Variants in PLXNB1 observed in about 807,000 individuals in gnomAD.
PLXNB1 encodes plexin-B1.
In PLXNB1, 106 loss-of-function variants were observed where a neutral mutation model predicts 209.4. The ratio of observed to expected loss-of-function variants is 0.51; its 90% CI spans 0.43 to 0.59. The LOEUF is 0.59. Ranked by LOEUF, PLXNB1 falls within the 20% of genes least tolerant of loss-of-function variation. The pLI is 0.00. For synonymous variants in PLXNB1, 1,167 were observed against 1,183.2 expected (o/e 0.99, Z 0.28); for missense variants, 2,357 against 2,853.2 (o/e 0.83, Z 3.96).
At position 48,421,476 on chromosome 3, in the gene PLXNB1, CA is replaced by C. The variant is rs1346117240; in HGVS notation, c.1654-93del. ...GACACCCAATGTGGGCAGGCACCAG[CA>C]ATCAACAGCCCTCAGGCCTCCCCAA... On this transcript the variant is annotated intron_variant, in intron 7 of 37. Transcript: ENST00000296440. The C allele has an allele frequency of 3.6e-6, 5 of 1,378,268 alleles. No homozygotes were observed. The East Asian group carries it at 1.2e-4, about 32-fold the overall frequency. The allele number at this position is 1,378,268 out of a possible 1,614,324, so 85.4% of individuals were successfully genotyped here. A position where few individuals can be genotyped will look rare whatever the true frequency, so the allele number is the denominator to read the frequency against.
rs2038785121 is a variant in PLXNB1 at position 48,424,619 on chromosome 3, T to G, written c.-6-2A>C. ...TGGGCCCAGAGCAGGCATGGTCACC[T>G]GGCAGGAAGAGAGGTCGAGAGAGTG... is the stretch of plus-strand genomic sequence containing the variant. On this transcript the variant is annotated splice_acceptor_variant, in intron 2 of 37. Coordinates refer to ENST00000296440, the MANE Select transcript of PLXNB1 (RefSeq NM_001130082.3). LOFTEE classifies it low-confidence loss of function (5UTR_SPLICE). 6.5e-7 allele frequency: 1 copy of G among 1,535,532 alleles called. No individual in the cohort carries two copies. Among genetic ancestry groups the G allele is most frequent in the East Asian group, 2.4e-5 (1 of 40,914 alleles).
At position 48,409,819 on chromosome 3, in the gene PLXNB1, C is replaced by T. The variant is rs75277731; in HGVS notation, c.5778+86G>A. The T allele has an allele frequency of 2.5e-3, 3,914 of 1,574,458 alleles. 81 individuals are homozygous for T. In the African/African-American group the frequency reaches 0.044, roughly 18 times the overall value. ...CAGACACCCCCCGGCACTGTGCCTG[C>T]ACGAGCCCCACACCACCCCCAAATC... On this transcript the variant is annotated intron_variant, in intron 32 of 37. Transcript: ENST00000296440. The surrounding 1 kb of genome is among the most constrained non-coding windows in gnomAD (Gnocchi z 5.8).
chr3:48,405,685 T>G lies in PLXNB1; in HGVS notation c.6303+39A>C. The G allele has an allele frequency of 6.5e-7, 1 of 1,528,640 alleles. No homozygotes were observed. The highest frequency in any genetic ancestry group is 9.0e-7 in the Non-Finnish European group (1 of 1,105,386). 94.7% of individuals were successfully genotyped at this position (1,528,640 alleles called of 1,614,324 possible). ...AGCCCCTTAAGTCTCCTGGGAGGCC[T>G]TGGGTCAGCCTCCCAGTCGGGGTCC... On this transcript the variant is annotated intron_variant, in intron 37 of 37. Transcript: ENST00000296440. This position sits in a 1 kb window ranked among gnomAD's most constrained non-coding sequence, Gnocchi z 5.0.
In PLXNB1 at chr3:48,412,927, CA is replaced by C; in HGVS notation, c.4668del (p.Ser1556ArgfsTer119). 1 of 1,614,132 alleles carries C rather than the reference CA, an allele frequency of 6.2e-7. No individual in the cohort carries two copies. Among genetic ancestry groups the C allele is most frequent in the Non-Finnish European group, 8.5e-7 (1 of 1,180,018 alleles). ...DLMTEMTDLT[S>X]DLLGSGIPFL... is the part of the protein sequence containing the mutation. ...AAGGGGATGCCGCTGCCCAGGAGGT[CA>C]CTGGTGAGATCGGTCATCTCAGTCA... On this transcript the variant is annotated frameshift_variant, in exon 25 of 38. Transcript: ENST00000296440. LOFTEE classifies it high-confidence loss of function.
chr3:48,423,048 C>G, intron 3 of PLXNB1, 101 bp from the exon 4 acceptor site: 1 of 1,017,220 alleles, frequency 9.8e-7, no homozygotes, highest in Non-Finnish European at 1.5e-6. Flanking sequence ...GCTCTGGTAG[C>G]TCTCCCTGTA....
At chr3:48,414,349 A>G (rs542201074) in intron 21 of PLXNB1, among the ~76,000 whole-genome samples, 24 of 152,116 alleles carry the variant, frequency 1.6e-4, no homozygotes, top group South Asian at 4.1e-4. Flanking sequence ...GGAGCCCCCA[A>G]TCTGTGTCTG....
Position 48,418,067 on chromosome 3 carries a change from TC to T in PLXNB1, c.3223-6del. On this transcript the variant is annotated splice_polypyrimidine_tract_variant and splice_region_variant and intron_variant, in intron 15 of 37. Transcript: ENST00000296440. This position sits in a 1 kb window ranked among gnomAD's most constrained non-coding sequence, Gnocchi z 6.6. ...AGGCCCAGTCAGTGGCTCCACCTGT[TC>T]CAGGACAAGGACTGCTCACCTCTAC... 6.2e-7 allele frequency: 1 copy of T among 1,612,200 alleles called. No homozygotes were observed.
chr3:48,406,072 G>A lies in PLXNB1; in HGVS notation c.6229-274C>T, dbSNP rs1277238365. 2.6e-6 allele frequency: 1 copy of A among 384,376 alleles called. No individual in the cohort carries two copies. Among genetic ancestry groups the A allele is most frequent in the East Asian group, 5.9e-5 (1 of 17,048 alleles). 23.8% of individuals were successfully genotyped at this position (384,376 alleles called of 1,614,324 possible). ...TTCAGCAAGGTCTGGGGTTTCCACT[G>A]AAGCCCTGCCTCTCTCACCCCCTTG... On this transcript the variant is annotated intron_variant, in intron 36 of 37. Coordinates refer to ENST00000296440, the MANE Select transcript of PLXNB1 (RefSeq NM_001130082.3). The surrounding 1 kb of genome is among the most constrained non-coding windows in gnomAD (Gnocchi z 4.4).
Position 48,417,584 on chromosome 3 carries a change from T to G in PLXNB1, c.3374+327A>C. Among the ~76,000 whole-genome samples the G allele has an allele frequency of 6.6e-6, 1 of 152,182 alleles. No homozygotes were observed. Among genetic ancestry groups the G allele is most frequent in the East Asian group, 1.9e-4 (1 of 5,196 alleles). On this transcript the variant is annotated intron_variant, in intron 16 of 37. Coordinates refer to ENST00000296440, the MANE Select transcript of PLXNB1 (RefSeq NM_001130082.3). The surrounding 1 kb of genome is among the most constrained non-coding windows in gnomAD (Gnocchi z 4.4). Reference sequence around the variant, plus strand: ...AGGCCAGCCCCTGAGCTTATCTGTCTGATCTGAGGGTCCTGCTGCCACAGC... The same window carrying G: ...AGGCCAGCCCCTGAGCTTATCTGTCGGATCTGAGGGTCCTGCTGCCACAGC...
At position 48,405,904 on chromosome 3, in the gene PLXNB1, G is replaced by A; in HGVS notation, c.6229-106C>T. 1.2e-6 allele frequency: 1 copy of A among 827,586 alleles called. No homozygotes were observed. Among genetic ancestry groups the A allele is most frequent in the Non-Finnish European group, 2.0e-6 (1 of 497,798 alleles). 51.3% of individuals were successfully genotyped at this position (827,586 alleles called of 1,614,324 possible). On this transcript the variant is annotated intron_variant, in intron 36 of 37. Coordinates refer to ENST00000296440, the MANE Select transcript of PLXNB1 (RefSeq NM_001130082.3). The surrounding 1 kb of genome is among the most constrained non-coding windows in gnomAD (Gnocchi z 5.0). ...GGCTGGGGGAGAAGGGGACCTGAGA[G>A]GTAGAGAATGGGATGGGCACTACAG...
In PLXNB1 at chr3:48,411,712, G is replaced by A. The variant is rs191455145; in HGVS notation, c.5247+151C>T. The A allele has an allele frequency of 7.7e-5, 61 of 794,972 alleles. No individual in the cohort carries two copies. The highest frequency in any genetic ancestry group is 5.4e-4 in the Admixed American group (20 of 36,966). 49.2% of individuals were successfully genotyped at this position (794,972 alleles called of 1,614,324 possible). ...TGCTATCCTGCTAAGCTAGTCTGAT[G>A]GGCTCTCTCCAGGAGCCAGCCAGAG... is the stretch of plus-strand genomic sequence containing the variant. On this transcript the variant is annotated intron_variant, in intron 28 of 37. Coordinates refer to ENST00000296440, the MANE Select transcript of PLXNB1 (RefSeq NM_001130082.3). The surrounding 1 kb of genome is among the most constrained non-coding windows in gnomAD (Gnocchi z 4.0).
Position 48,406,193 on chromosome 3 carries a change from G to C in PLXNB1, c.6229-395C>G. ...TGACAGCCCAGCATGATTCTGCTCT[G>C]GCCTAACTCAAGTATTTCCTGAGGT... On this transcript the variant is annotated intron_variant, in intron 36 of 37. Coordinates refer to ENST00000296440, the MANE Select transcript of PLXNB1 (RefSeq NM_001130082.3). The surrounding 1 kb of genome is among the most constrained non-coding windows in gnomAD (Gnocchi z 4.4). The C allele has an allele frequency of 4.6e-6, 1 of 218,646 alleles. No homozygotes were observed. The highest frequency in any genetic ancestry group is 7.1e-5 in the South Asian group (1 of 14,174). 13.5% of individuals were successfully genotyped at this position (218,646 alleles called of 1,614,324 possible).
intron 1 of PLXNB1, 119 bp from the exon 2 acceptor site, chr3:48,425,452 G>C (rs1197042224): frequency 1.3e-5 from 2 of 152,238 alleles, no homozygotes; most frequent in African/African-American, 4.8e-5. Flanking sequence ...CCAGCCTGCT[G>C]GTGGAGCTGG....
Position 48,419,457 on chromosome 3 carries a change from G to T in PLXNB1, c.2710-91C>A. 6.7e-7 allele frequency: 1 copy of T among 1,503,260 alleles called. No individual in the cohort carries two copies. The highest frequency in any genetic ancestry group is 8.9e-7 in the Non-Finnish European group (1 of 1,119,154). The allele number at this position is 1,503,260 out of a possible 1,614,324, so 93.1% of individuals were successfully genotyped here. A position where few individuals can be genotyped will look rare whatever the true frequency, so the allele number is the denominator to read the frequency against. On this transcript the variant is annotated intron_variant, in intron 11 of 37. Transcript: ENST00000296440. The surrounding 1 kb of genome is among the most constrained non-coding windows in gnomAD (Gnocchi z 5.7). The stretch of plus-strand genomic sequence containing the variant: ...CAGATTCCAGAGGCAAGGCCGGTGT[G>T]GGGCTGCAGACTCCACCCTGCCCCT...
At position 48,409,292 on chromosome 3, in the gene PLXNB1, T is replaced by G. The variant is rs1553797341; in HGVS notation, c.6087+37A>C. ...AGTGCACACACAGCACTGTCCACCC[T>G]CACCCATCCCCCCGTGTCCATCCCA... On this transcript the variant is annotated intron_variant, in intron 34 of 37. Coordinates refer to ENST00000296440, the MANE Select transcript of PLXNB1 (RefSeq NM_001130082.3). The surrounding 1 kb of genome is among the most constrained non-coding windows in gnomAD (Gnocchi z 5.8). The G allele has an allele frequency of 2.6e-6, 4 of 1,556,018 alleles. No individual in the cohort carries two copies. The South Asian group carries it at 4.5e-5, about 18-fold the overall frequency.
In PLXNB1 at chr3:48,422,089, G is replaced by A. The variant is rs1211348276; in HGVS notation, c.1520+16C>T. ...TGGGCTTGAGGCTGGGGCTGGGATG[G>A]GGTCAGAAATCTGACCTGCCAAGGA... On this transcript the variant is annotated intron_variant, in intron 6 of 37. Coordinates refer to ENST00000296440, the MANE Select transcript of PLXNB1 (RefSeq NM_001130082.3). 1.9e-6 allele frequency: 3 copies of A among 1,598,092 alleles called. No homozygotes were observed. The highest frequency in any genetic ancestry group is 2.6e-6 in the Non-Finnish European group (3 of 1,165,692).
chr3:48,416,168 C>A lies in PLXNB1; in HGVS notation c.3481-1G>T. ...GGAAGATGGAATGGACCTTCGGATC[C>A]TGTGGGACAGACAGGGAGAGAGATG... On this transcript the variant is annotated splice_acceptor_variant, in intron 17 of 37. Transcript: ENST00000296440. LOFTEE classifies it high-confidence loss of function. The surrounding 1 kb of genome is among the most constrained non-coding windows in gnomAD (Gnocchi z 4.1). 1 of 1,596,616 alleles carries A rather than the reference C, an allele frequency of 6.3e-7. No homozygotes were observed. The highest frequency in any genetic ancestry group is 2.3e-5 in the East Asian group (1 of 43,874).
Position 48,416,282 on chromosome 3 carries a change from G to T in PLXNB1, c.3480+64C>A. ...GCCCCACCAAGGAATAACCAGATGG[G>T]TTGAGAGGAGCCACCAGAGAGGTTG... is the stretch of plus-strand genomic sequence containing the variant. On this transcript the variant is annotated intron_variant, in intron 17 of 37. Coordinates refer to ENST00000296440, the MANE Select transcript of PLXNB1 (RefSeq NM_001130082.3). The surrounding 1 kb of genome is among the most constrained non-coding windows in gnomAD (Gnocchi z 4.1). The T allele has an allele frequency of 3.8e-6, 6 of 1,559,320 alleles. No homozygotes were observed. The highest frequency in any genetic ancestry group is 5.3e-6 in the Non-Finnish European group (6 of 1,136,356).
At chr3:48,420,825 T>C (rs1349872496) in intron 9 of PLXNB1, 23 bp downstream of exon 9, 2 of 1,609,754 alleles carry the variant, frequency 1.2e-6, no homozygotes, top group South Asian at 1.1e-5. Flanking sequence ...AGCCCAGGCC[T>C]GGGGACAGGG....
Sources: allele counts gnomAD v4.1 joint callset (sites outside exome capture counted in the v4.1 genomes callset), GRCh38; gene constraint gnomAD v4.1.1; non-coding constraint Gnocchi (gnomAD v3.1); transcripts MANE v1.5; gene names NCBI Gene and HGNC (gene_info 2026-07-23, HGNC 2026-07-21).